PPCDC: variants seen among roughly 807,000 people sequenced by gnomAD.
The protein encoded by PPCDC is phosphopantothenoylcysteine decarboxylase.
Under a neutral mutation model 20.7 loss-of-function variants are expected in PPCDC, and 20 were observed. The observed-to-expected ratio is 0.97, with a 90% CI of 0.68 to 1.41. The LOEUF (loss-of-function observed/expected upper bound fraction) is 1.41, where lower values mean the gene tolerates loss of function less well. Among genes scored for constraint, PPCDC ranks in the 40% most tolerant of loss-of-function variants. The pLI, the probability that PPCDC is intolerant of heterozygous loss-of-function variation, is 0.00. For missense variants in PPCDC, 246 were observed against 263.8 expected, an observed-to-expected ratio of 0.93 and a Z score of 0.47; for synonymous variants, 88 against 100.3, an observed-to-expected ratio of 0.88 and a Z score of 0.73.
At position 75,049,231 on chromosome 15, in the gene PPCDC, G is replaced by A; in HGVS notation, c.611G>A (p.Ser204Asn). The change falls in exon 6 of 6, where the codon AGT becomes AAT. Residue 204 changes from serine to asparagine, a missense_variant. Ser to Asn is a conservative substitution (Grantham distance 46). Around this residue, in one of 2 missense-constraint regions of PPCDC, gnomAD observed 21 missense variants for 41.2 expected, o/e 0.51. Coordinates refer to ENST00000342932, the MANE Select transcript of PPCDC (RefSeq NM_021823.5). ...VLFQHSGFQQS is the reference protein window; with the variant it reads ...VLFQHSGFQQN ...TTCCAGCACAGTGGCTTCCAGCAGA[G>A]TTGACCTGGGATTTCTGTCATGGGT... 1 of 1,613,926 alleles carries A rather than the reference G, an allele frequency of 6.2e-7. No individual in the cohort carries two copies. Among genetic ancestry groups the A allele is most frequent in the Non-Finnish European group, 8.5e-7 (1 of 1,179,742 alleles).
At chr15:75,048,499 G>A in intron 4 of PPCDC, 54 bp from the exon 5 acceptor site, 1 of 1,581,936 alleles carries the variant, frequency 6.3e-7, no homozygotes, top group Non-Finnish European at 8.6e-7. Context: ...GAGGGCGGTG[G>A]GGAGGGTGGC....
chr15:75,044,239 C>T (rs926860546), intron 3 of PPCDC, 147 bp from the exon 4 acceptor site: 24 of 1,153,318 alleles, frequency 2.1e-5, no homozygotes, highest in East Asian at 5.1e-5. Flanking sequence ...GGCTAGCGCT[C>T]GCCAGCTTAG....
At chr15:75,032,552 CA>C (rs1365584341) in intron 2 of PPCDC, among the ~76,000 whole-genome samples, 7 of 152,244 alleles carry the variant, frequency 4.6e-5, no homozygotes, top group Non-Finnish European at 7.4e-5. Flanking sequence ...AAACTGGAAG[CA>C]AACAAAATAT....
At chr15:75,040,283 G>A (rs1305166545) in intron 2 of PPCDC, among the ~76,000 whole-genome samples, 1 of 151,976 alleles carries the variant, frequency 6.6e-6, no homozygotes, top group East Asian at 1.9e-4. Context: ...TCACCACGTT[G>A]CCCAGGCTGG....
intron 4 of PPCDC, 76 bp from the exon 5 acceptor site, chr15:75,048,477 C>A: frequency 6.5e-7 from 1 of 1,549,446 alleles, no homozygotes; most frequent in East Asian, 2.3e-5. Context: ...GGGCTGCTGG[C>A]TGCAGGGTCT....
At chr15:75,044,542 G>A (rs375036910) in intron 4 of PPCDC, 28 bp downstream of exon 4, 91 of 1,605,576 alleles carry the variant, frequency 5.7e-5, no homozygotes, top group East Asian at 8.9e-5. Flanking sequence ...GCCCTCGTCC[G>A]TCCCTGGGCC....
intron 2 of PPCDC, among the ~76,000 whole-genome samples, chr15:75,040,660 A>AT: frequency 6.6e-6 from 1 of 151,232 alleles, no homozygotes; most frequent in African/African-American, 2.4e-5. Context: ...TTATTTTTTT[A>AT]TTTTTTTATT....
chr15:75,044,755 C>T (rs552860162), intron 4 of PPCDC: 1 of 478,912 alleles, frequency 2.1e-6, no homozygotes, highest in East Asian at 4.7e-5. Context: ...TCCCCCTCTC[C>T]CCTGCCCTTG....
chr15:75,033,967 C>G (rs1474352297), intron 2 of PPCDC, among the ~76,000 whole-genome samples: 2 of 152,166 alleles, frequency 1.3e-5, no homozygotes, highest in Admixed American at 1.3e-4. Flanking sequence ...GGAGCTGACA[C>G]AACCAGAACA....
intron 2 of PPCDC, among the ~76,000 whole-genome samples, chr15:75,039,787 TG>T (rs2066131055): frequency 7.5e-6 from 1 of 133,716 alleles, no homozygotes. Context: ...TTTCTTTCTT[TG>T]TTTTTTTTTT....
intron 1 of PPCDC, among the ~76,000 whole-genome samples, 173 bp downstream of exon 1, chr15:75,023,799 C>T (rs1238486141): frequency 2.0e-5 from 3 of 152,220 alleles, no homozygotes; most frequent in Non-Finnish European, 4.4e-5. Context: ...GGCCGTCCAT[C>T]TGTGCGACCT....
At chr15:75,029,998 C>T (rs2066002946) in intron 2 of PPCDC, among the ~76,000 whole-genome samples, 1 of 152,120 alleles carries the variant, frequency 6.6e-6, no homozygotes, top group South Asian at 2.1e-4. Flanking sequence ...AAAGGGTTGC[C>T]TGGAGCAGGG....
At chr15:75,035,884 T>C (rs565306971) in intron 2 of PPCDC, among the ~76,000 whole-genome samples, 4 of 147,548 alleles carry the variant, frequency 2.7e-5, no homozygotes, top group African/African-American at 1.0e-4. Context: ...GGAGAATCTC[T>C]GGAACCCAGG....
intron 2 of PPCDC, among the ~76,000 whole-genome samples, chr15:75,033,028 C>T (rs1458327941): frequency 6.6e-6 from 1 of 152,068 alleles, no homozygotes; most frequent in Non-Finnish European, 1.5e-5. Flanking sequence ...GTCTCAAACT[C>T]CTGGGCTCAA....
chr15:75,042,558 C>T (rs964731333), intron 2 of PPCDC, among the ~76,000 whole-genome samples: 16 of 149,042 alleles, frequency 1.1e-4, no homozygotes, highest in African/African-American at 4.0e-4. Flanking sequence ...GAGGCTGAGG[C>T]AGGAGAATGG....
intron 4 of PPCDC, among the ~76,000 whole-genome samples, chr15:75,046,181 C>T (rs1304922605): frequency 6.6e-6 from 1 of 152,258 alleles, no homozygotes; most frequent in African/African-American, 2.4e-5. Context: ...TGCCACTGTA[C>T]TCCAGCCTGG....
At chr15:75,037,378 T>C (rs895524732) in intron 2 of PPCDC, among the ~76,000 whole-genome samples, 1 of 152,160 alleles carries the variant, frequency 6.6e-6, no homozygotes, top group Non-Finnish European at 1.5e-5. Flanking sequence ...GAGGGCTGTT[T>C]TATGTATTTG....
chr15:75,047,801 T>A (rs906040344), intron 4 of PPCDC, among the ~76,000 whole-genome samples: 8 of 152,242 alleles, frequency 5.3e-5, no homozygotes, highest in African/African-American at 1.9e-4. Flanking sequence ...GCTAGTGCTC[T>A]CACAGCTAGA....
chr15:75,034,696 C>CAACA (rs1236200200), intron 2 of PPCDC, among the ~76,000 whole-genome samples: 7 of 152,234 alleles, frequency 4.6e-5, no homozygotes, highest in African/African-American at 1.7e-4. Context: ...GACCCAATGT[C>CAACA]AGAGTCCTCT....
Sources: allele counts gnomAD v4.1 joint callset (sites outside exome capture counted in the v4.1 genomes callset), GRCh38; gene constraint gnomAD v4.1.1; regional missense constraint gnomAD v4.1.1; transcripts MANE v1.5; gene names NCBI Gene and HGNC (gene_info 2026-07-23, HGNC 2026-07-21).